Variants in PSMA1 observed in about 807,000 individuals in gnomAD.
PSMA1 encodes proteasome 20S subunit alpha 1.
Under a neutral mutation model 38.4 loss-of-function variants are expected in PSMA1, and 3 were observed. The ratio of observed to expected loss-of-function variants is 0.08; its 90% CI spans 0.04 to 0.20. The LOEUF is 0.20. PSMA1 is among the 10% of genes least tolerant of loss of function. PSMA1 has a pLI of 1.00. For synonymous variants in PSMA1, 101 were observed against 107.1 expected, an observed-to-expected ratio of 0.94 and a Z score of 0.35; for missense variants, 227 against 325.3, an observed-to-expected ratio of 0.70 and a Z score of 2.32.
chr11:14,638,539 CTCTCTCTA>C (rs1853145954), intron 1 of PSMA1, among the ~76,000 whole-genome samples: 4 of 19,178 alleles, frequency 2.1e-4, no homozygotes, highest in Non-Finnish European at 3.0e-4. Context: ...CTCTCTCTCT[CTCTCTCTA>C]TATATATATA....
chr11:14,513,863 T>C lies in PSMA1; in HGVS notation c.368A>G (p.Tyr123Cys). 6.2e-7 allele frequency: 1 copy of C among 1,601,450 alleles called. No homozygotes were observed. The highest frequency in any genetic ancestry group is 8.5e-7 in the Non-Finnish European group (1 of 1,176,378). Residue 123 changes from tyrosine (Y) to cysteine (C), a missense_variant, in exon 6 of 10, where the codon TAT becomes TGT. Physicochemically the swap from Tyr to Cys is radical, Grantham distance 194 (BLOSUM62 -2). Transcript: ENST00000396394. ...ACCAACACCATATGGTCTCCGGCCA[T>C]ATCGTTGTGTTGGTATCTGGGTCTC... ...GSKTQIPTQR[Y>C]GRRPYGVGLL...
chr11:14,585,630 A>G (rs1173040712), intron 2 of PSMA1, among the ~76,000 whole-genome samples: 3 of 152,196 alleles, frequency 2.0e-5, no homozygotes, highest in Non-Finnish European at 4.4e-5. Context: ...GAAAGCACAT[A>G]AAAGTCTAGC....
At chr11:14,515,039 C>T (rs887422764) in intron 4 of PSMA1, among the ~76,000 whole-genome samples, 1 of 152,278 alleles carries the variant, frequency 6.6e-6, no homozygotes, top group South Asian at 2.1e-4. Flanking sequence ...TGATGAAATT[C>T]AAGCAAGGTT....
chr11:14,553,741 G>A (rs1014211357), intron 2 of PSMA1, among the ~76,000 whole-genome samples: 7 of 152,110 alleles, frequency 4.6e-5, no homozygotes, highest in African/African-American at 1.7e-4. Context: ...CATTTGGGTT[G>A]TTTCCAATTT....
At chr11:14,621,708 A>C (rs1339615076) in intron 1 of PSMA1, among the ~76,000 whole-genome samples, 2 of 152,106 alleles carry the variant, frequency 1.3e-5, no homozygotes, top group Admixed American at 6.5e-5. Context: ...TTTTCTTTTG[A>C]GTTTTCCTTG....
chr11:14,533,553 C>T (rs943901123), intron 2 of PSMA1, among the ~76,000 whole-genome samples: 1 of 151,058 alleles, frequency 6.6e-6, no homozygotes, highest in African/African-American at 2.4e-5. Flanking sequence ...AGGCTTCAGA[C>T]TTCTAAGTTT....
At chr11:14,606,490 T>C (rs1269942070) in intron 2 of PSMA1, among the ~76,000 whole-genome samples, 2 of 151,718 alleles carry the variant, frequency 1.3e-5, no homozygotes, top group East Asian at 1.9e-4. Context: ...AGGGAGAGAT[T>C]TCAAATGTAA....
Position 14,534,045 on chromosome 11 carries a change from G to A in PSMA1, c.22-15004C>T, listed in dbSNP as rs1027741994. On this transcript the variant is annotated intron_variant, in intron 2 of 10. Transcript: ENST00000418988. This position sits in a 1 kb window ranked among gnomAD's most constrained non-coding sequence, Gnocchi z 4.5. ...AAAAATACAAAATTAGCCGGGCATG[G>A]AGGTGCATGTCTGTAACCCCAGCTA... Among the ~76,000 whole-genome samples, 1 of 152,050 alleles carries A rather than the reference G, an allele frequency of 6.6e-6. No individual in the cohort carries two copies.
At chr11:14,634,642 C>T (rs939114627) in intron 1 of PSMA1, among the ~76,000 whole-genome samples, 3 of 152,042 alleles carry the variant, frequency 2.0e-5, no homozygotes, top group African/African-American at 7.2e-5. Context: ...CCGTGCATAG[C>T]CAAAATTCAG....
At chr11:14,613,892 A>C (rs1053440259) in intron 1 of PSMA1, among the ~76,000 whole-genome samples, 1 of 152,204 alleles carries the variant, frequency 6.6e-6, no homozygotes, top group Non-Finnish European at 1.5e-5. Context: ...TTATATATGA[A>C]TATCACATTT....
chr11:14,592,082 C>A (rs1368528903), intron 2 of PSMA1, among the ~76,000 whole-genome samples: 1 of 152,132 alleles, frequency 6.6e-6, no homozygotes, highest in East Asian at 1.9e-4. Flanking sequence ...CTGCGAAGGT[C>A]TGCAGCTTCA....
chr11:14,596,609 T>C (rs1852497647), intron 2 of PSMA1, among the ~76,000 whole-genome samples: 1 of 152,262 alleles, frequency 6.6e-6, no homozygotes, highest in South Asian at 2.1e-4. Context: ...CCTGAGACTT[T>C]GCTGAAGTTG....
chr11:14,584,507 G>GTTTTTT (rs58620375), intron 2 of PSMA1, among the ~76,000 whole-genome samples: 3 of 124,806 alleles, frequency 2.4e-5, no homozygotes, highest in East Asian at 2.3e-4. Context: ...TTTGTTTTTT[G>GTTTTTT]TTTTTTTTTT....
At chr11:14,616,148 C>G (rs1265770167) in intron 1 of PSMA1, among the ~76,000 whole-genome samples, 1 of 150,900 alleles carries the variant, frequency 6.6e-6, no homozygotes, top group Non-Finnish European at 1.5e-5. Context: ...GAACTATAAA[C>G]AAAAGGGCAA....
At chr11:14,602,257 A>C (rs1373463288) in intron 2 of PSMA1, among the ~76,000 whole-genome samples, 1 of 152,226 alleles carries the variant, frequency 6.6e-6, no homozygotes, top group African/African-American at 2.4e-5. Flanking sequence ...ACACCTGGGC[A>C]AAACTGTCTT....
upstream of PSMA1, among the ~76,000 whole-genome samples, chr11:14,522,202 T>C (rs1467419696): frequency 6.6e-6 from 1 of 152,200 alleles, no homozygotes; most frequent in African/African-American, 2.4e-5. Context: ...TGTCCATAAG[T>C]AATGGTCTAT....
intron 1 of PSMA1, among the ~76,000 whole-genome samples, chr11:14,614,073 G>A (rs1362886914): frequency 6.6e-6 from 1 of 151,876 alleles, no homozygotes; most frequent in Admixed American, 6.6e-5. Flanking sequence ...CTGGGATATG[G>A]GTTTAAATAA....
intron 2 of PSMA1, among the ~76,000 whole-genome samples, chr11:14,595,060 T>A (rs1852468606): frequency 6.6e-6 from 1 of 152,168 alleles, no homozygotes; most frequent in Non-Finnish European, 1.5e-5. Flanking sequence ...CCAGCTTCAT[T>A]CACGTCCCTG....
At chr11:14,565,306 G>A (rs1852056620) in intron 2 of PSMA1, among the ~76,000 whole-genome samples, 1 of 152,030 alleles carries the variant, frequency 6.6e-6, no homozygotes, top group Non-Finnish European at 1.5e-5. Context: ...TCCTGCTAGA[G>A]GTTTATCAGT....
Sources: allele counts gnomAD v4.1 joint callset (sites outside exome capture counted in the v4.1 genomes callset), GRCh38; gene constraint gnomAD v4.1.1; non-coding constraint Gnocchi (gnomAD v3.1); transcripts MANE v1.5; gene names NCBI Gene and HGNC (gene_info 2026-07-23, HGNC 2026-07-21).